TCF7L1: variants seen among roughly 807,000 people sequenced by gnomAD.
The protein encoded by TCF7L1 is transcription factor 7 like 1, also known as transcription factor 7-like 1.
A neutral mutation model predicts 63.7 loss-of-function variants in TCF7L1; 18 were observed. The observed-to-expected ratio is 0.28, with a 90% CI of 0.20 to 0.42. The LOEUF (loss-of-function observed/expected upper bound fraction) is 0.42. TCF7L1 is among the 10% of genes least tolerant of loss of function. TCF7L1 has a pLI of 1.00. For missense variants in TCF7L1, 654 were observed against 779.3 expected, an observed-to-expected ratio of 0.84 and a Z score of 1.91; for synonymous variants, 355 against 340.9, an observed-to-expected ratio of 1.04 and a Z score of -0.46.
intron 3 of TCF7L1, among the ~76,000 whole-genome samples, chr2:85,205,318 G>A (rs554937175): frequency 1.3e-5 from 2 of 152,292 alleles, no homozygotes; most frequent in Admixed American, 6.5e-5. Flanking sequence ...TCAGTGCTGA[G>A]CAGGCCTAGA....
At chr2:85,162,818 G>A (rs1030222965) in intron 3 of TCF7L1, among the ~76,000 whole-genome samples, 47 of 152,106 alleles carry the variant, frequency 3.1e-4, no homozygotes, top group East Asian at 1.9e-4. Flanking sequence ...CTGCTGGCAC[G>A]GAGGAGCTTT....
rs747268315 is a variant in TCF7L1 at position 85,133,979 on chromosome 2, C to T, written c.250-37C>T. The T allele has an allele frequency of 6.3e-6, 10 of 1,594,636 alleles. No individual in the cohort carries two copies. Among genetic ancestry groups the T allele is most frequent in the Admixed American group, 5.1e-5 (3 of 58,682 alleles). ...CCCCCGGGGGATCCCGGCCCTGCGT[C>T]CGCTCACCCGCTCTTGCCTTTGTGT... On this transcript the variant is annotated intron_variant, in intron 1 of 11. Coordinates refer to ENST00000282111, the MANE Select transcript of TCF7L1 (RefSeq NM_031283.3). This position sits in a 1 kb window ranked among gnomAD's most constrained non-coding sequence, Gnocchi z 4.4.
At chr2:85,227,580 T>C (rs1679986930) in intron 3 of TCF7L1, among the ~76,000 whole-genome samples, 1 of 152,178 alleles carries the variant, frequency 6.6e-6, no homozygotes, top group Admixed American at 6.5e-5. Flanking sequence ...TTTTAAATTA[T>C]ATAAGCTTAG....
chr2:85,235,018 C>T (rs1319272206), intron 3 of TCF7L1, among the ~76,000 whole-genome samples: 1 of 152,128 alleles, frequency 6.6e-6, no homozygotes, highest in East Asian at 1.9e-4. Context: ...GCACTGTGCT[C>T]CAGACAGGGC....
chr2:85,224,118 T>G (rs138896937), intron 3 of TCF7L1, among the ~76,000 whole-genome samples: 3 of 152,336 alleles, frequency 2.0e-5, no homozygotes, highest in Non-Finnish European at 4.4e-5. Context: ...GGACATGAAA[T>G]CATCGTTTTT....
At chr2:85,221,785 C>T (rs1679845442) in intron 3 of TCF7L1, among the ~76,000 whole-genome samples, 1 of 152,038 alleles carries the variant, frequency 6.6e-6, no homozygotes, top group Admixed American at 6.6e-5. Flanking sequence ...CATGGCATTC[C>T]CTCTCCCCTA....
chr2:85,258,702 C>T (rs1212060901), intron 3 of TCF7L1, among the ~76,000 whole-genome samples: 1 of 152,148 alleles, frequency 6.6e-6, no homozygotes, highest in Non-Finnish European at 1.5e-5. Flanking sequence ...CATGTGTAAG[C>T]GTATGGGCTT....
At chr2:85,170,793 G>A (rs1678529463) in intron 3 of TCF7L1, among the ~76,000 whole-genome samples, 1 of 152,198 alleles carries the variant, frequency 6.6e-6, no homozygotes, top group Non-Finnish European at 1.5e-5. Flanking sequence ...TAGGTGTGAT[G>A]CAGTCTCCCT....
At chr2:85,264,514 C>T (rs1337392296) in intron 3 of TCF7L1, among the ~76,000 whole-genome samples, 1 of 152,160 alleles carries the variant, frequency 6.6e-6, no homozygotes, top group East Asian at 1.9e-4. Context: ...TTCAGGTCAT[C>T]ATCAGGCCTG....
chr2:85,230,186 T>C (rs1680045895), intron 3 of TCF7L1, among the ~76,000 whole-genome samples: 1 of 152,252 alleles, frequency 6.6e-6, no homozygotes, highest in Admixed American at 6.5e-5. Flanking sequence ...CTCCCCTGTT[T>C]CCTTGTTTTT....
At chr2:85,191,631 C>A (rs1679039121) in intron 3 of TCF7L1, among the ~76,000 whole-genome samples, 1 of 152,014 alleles carries the variant, frequency 6.6e-6, no homozygotes, top group African/African-American at 2.4e-5. Context: ...TCGAGACCAG[C>A]CTGATCAACG....
intron 3 of TCF7L1, among the ~76,000 whole-genome samples, chr2:85,261,468 AG>A (rs1558649527): frequency 6.6e-6 from 1 of 152,230 alleles, no homozygotes; most frequent in Admixed American, 6.5e-5. Flanking sequence ...GACTTTGTGA[AG>A]TGGAGACTGT....
At chr2:85,216,233 C>T (rs1679704265) in intron 3 of TCF7L1, among the ~76,000 whole-genome samples, 1 of 152,184 alleles carries the variant, frequency 6.6e-6, no homozygotes, top group African/African-American at 2.4e-5. Context: ...GCCTGCCCAG[C>T]CTTTCCTTCC....
At chr2:85,262,230 G>A (rs887055995) in intron 3 of TCF7L1, 4 of 551,850 alleles carry the variant, frequency 7.2e-6, no homozygotes, top group South Asian at 4.1e-5. Flanking sequence ...CTGAATCTGC[G>A]ATCTATTTTG....
intron 4 of TCF7L1, among the ~76,000 whole-genome samples, chr2:85,289,105 A>AC (rs1394764368): frequency 2.0e-5 from 3 of 152,172 alleles, no homozygotes; most frequent in Non-Finnish European, 4.4e-5. Context: ...TTTTTTTGAA[A>AC]CCGTAAAAGT....
At chr2:85,219,318 T>C (rs575283992) in intron 3 of TCF7L1, among the ~76,000 whole-genome samples, 3 of 152,184 alleles carry the variant, frequency 2.0e-5, no homozygotes, top group Non-Finnish European at 2.9e-5. Flanking sequence ...ATTTGCGTAT[T>C]ATATTGAGGA....
intron 3 of TCF7L1, among the ~76,000 whole-genome samples, chr2:85,274,978 T>C (rs1681238949): frequency 1.3e-5 from 2 of 152,146 alleles, no homozygotes; most frequent in African/African-American, 4.8e-5. Context: ...CAGTAGGTGT[T>C]CTTATTCCTA....
rs148083103 is a variant in TCF7L1, at chr2:85,180,921, G to A, written c.441+46471G>A. Among the ~76,000 whole-genome samples, 414 of 152,358 alleles carry A rather than the reference G, an allele frequency of 2.7e-3. 3 individuals carry two copies. The highest frequency in any genetic ancestry group is 7.8e-3 in the Admixed American group (120 of 15,300). On this transcript the variant is annotated intron_variant, in intron 3 of 11. Transcript: ENST00000282111. ...CCTCCCTGGCAGGTCTGAAGCACAT[G>A]ATTCCTAGCCCCAGCCTTCCTAAGG... is the stretch of plus-strand genomic sequence containing the variant.
chr2:85,261,631 C>T (rs1680858831), intron 3 of TCF7L1, among the ~76,000 whole-genome samples: 1 of 152,214 alleles, frequency 6.6e-6, no homozygotes, highest in African/African-American at 2.4e-5. Context: ...GTGGCTCACA[C>T]CTGTAATCCC....
Sources: gnomAD v4.1 joint callset for allele counts (sites outside exome capture counted in the v4.1 genomes callset) on GRCh38, gnomAD v4.1.1 for gene constraint, Gnocchi (gnomAD v3.1) non-coding constraint, MANE v1.5 for transcripts, NCBI Gene and HGNC (gene_info 2026-07-23, HGNC 2026-07-21) for gene names.